The following MSI2 variants were observed in gnomAD, a reference collection of about 807,000 sequenced individuals.
The protein encoded by MSI2 is RNA-binding protein Musashi homolog 2.
MSI2 carries 17 observed loss-of-function variants against 45.6 expected under a neutral mutation model. The ratio of observed to expected loss-of-function variants is 0.37; its 90% CI spans 0.26 to 0.56. The LOEUF (loss-of-function observed/expected upper bound fraction) is 0.56, where lower values mean the gene tolerates loss of function less well. Among genes scored for constraint, MSI2 ranks in the 20% least tolerant of loss-of-function variants. MSI2 has a pLI of 0.77. For synonymous variants in MSI2, 156 were observed against 158.2 expected (o/e 0.99, Z 0.11); for missense variants, 293 against 444.2 (o/e 0.66, Z 3.06).
chr17:57,349,571 A>G (rs925345142), intron 5 of MSI2, among the ~76,000 whole-genome samples: 21 of 152,240 alleles, frequency 1.4e-4, no homozygotes, highest in African/African-American at 5.1e-4. Context: ...ATGAGGAAAA[A>G]TGAAATACTT....
At chr17:57,643,476 AC>A (rs1910408813) in intron 10 of MSI2, among the ~76,000 whole-genome samples, 1 of 152,186 alleles carries the variant, frequency 6.6e-6, no homozygotes. Flanking sequence ...GTGGGGTGGG[AC>A]AGGTGCTCCG....
intron 5 of MSI2, among the ~76,000 whole-genome samples, chr17:57,287,434 G>A (rs921069781): frequency 1.1e-4 from 16 of 152,176 alleles, no homozygotes; most frequent in African/African-American, 3.4e-4. Flanking sequence ...GTGTGTGTGA[G>A]GGGCTGTCTG....
chr17:57,587,660 C>T (rs1904426541), intron 7 of MSI2, among the ~76,000 whole-genome samples: 3 of 152,068 alleles, frequency 2.0e-5, no homozygotes, highest in South Asian at 4.2e-4. Flanking sequence ...AAAGAAGACC[C>T]GTGTCGACTC....
At chr17:57,393,821 A>G (rs1003856824) in intron 5 of MSI2, among the ~76,000 whole-genome samples, 1 of 152,180 alleles carries the variant, frequency 6.6e-6, no homozygotes, top group Non-Finnish European at 1.5e-5. Context: ...AGCTGGGATT[A>G]CAGACGTGCA....
chr17:57,566,925 G>T (rs775138806), intron 7 of MSI2, among the ~76,000 whole-genome samples: 16 of 152,186 alleles, frequency 1.1e-4, no homozygotes, highest in Non-Finnish European at 2.2e-4. Flanking sequence ...TTTAATAGAA[G>T]GGGCATGTTC....
chr17:57,450,322 A>AGAAAGAAAGAAAG (rs1567831014), intron 6 of MSI2: 2 of 148,316 alleles, frequency 1.3e-5, no homozygotes, highest in African/African-American at 4.9e-5. Context: ...AAAGAAAGAA[A>AGAAAGAAAGAAAG]ACCTTTGTTA....
intron 6 of MSI2, among the ~76,000 whole-genome samples, chr17:57,528,197 C>A (rs900182736): frequency 1.3e-5 from 2 of 152,052 alleles, no homozygotes; most frequent in African/African-American, 4.8e-5. Flanking sequence ...AGACCAGGTG[C>A]CCTCCCCCGG....
chr17:57,396,413 C>CACA (rs113923945), intron 5 of MSI2, among the ~76,000 whole-genome samples: 6 of 150,184 alleles, frequency 4.0e-5, no homozygotes, highest in South Asian at 4.2e-4. Flanking sequence ...AGCACACACA[C>CACA]CACACACACA....
chr17:57,271,717 A>G (rs1028324947), intron 5 of MSI2, among the ~76,000 whole-genome samples: 5 of 147,476 alleles, frequency 3.4e-5, no homozygotes. Flanking sequence ...TCTTTTGGCA[A>G]TTGCAAAATA....
upstream of MSI2, among the ~76,000 whole-genome samples, chr17:57,256,329 G>C (rs950138984): frequency 1.3e-5 from 2 of 151,448 alleles, no homozygotes; most frequent in Non-Finnish European, 3.0e-5. Flanking sequence ...GTCCGGCCGT[G>C]GGGGGCCGAG....
chr17:57,649,521 C>T (rs1025798487), intron 10 of MSI2, among the ~76,000 whole-genome samples: 4 of 152,058 alleles, frequency 2.6e-5, no homozygotes, highest in African/African-American at 7.2e-5. Flanking sequence ...CACACATACA[C>T]CTGACACACA....
rs571022756 is a variant in MSI2 at position 57,285,929 on chromosome 17, C to T, written c.312+23737C>T. 3,558 of 1,533,820 alleles carry T rather than the reference C, an allele frequency of 2.3e-3. 108 individuals carry two copies. The South Asian group carries it at 0.04, about 17-fold the overall frequency. On this transcript the variant is annotated intron_variant, in intron 5 of 13. Coordinates refer to ENST00000284073, the MANE Select transcript of MSI2 (RefSeq NM_138962.4). Reference sequence around the variant, plus strand: ...GAAAGTACTAAAGAATACGTCTTATCACGTGAATCAGTATCTTTTTATTCA... The same window carrying T: ...GAAAGTACTAAAGAATACGTCTTATTACGTGAATCAGTATCTTTTTATTCA...
intron 11 of MSI2, among the ~76,000 whole-genome samples, chr17:57,660,911 G>A (rs540960041): frequency 6.6e-6 from 1 of 152,322 alleles, no homozygotes; most frequent in Non-Finnish European, 1.5e-5. Flanking sequence ...ATTTACATGG[G>A]CAGGGCCTGT....
intron 10 of MSI2, chr17:57,632,842 C>T (rs1055759914): frequency 4.7e-6 from 5 of 1,064,586 alleles, no homozygotes; most frequent in Non-Finnish European, 5.7e-6. Flanking sequence ...ATTTGAATGT[C>T]ATTGTCCTTG....
intron 5 of MSI2, among the ~76,000 whole-genome samples, chr17:57,293,823 G>C (rs1598083186): frequency 3.3e-5 from 5 of 151,324 alleles, no homozygotes; most frequent in African/African-American, 1.2e-4. Context: ...GGTCAGGCTG[G>C]TCTCGAACTC....
chr17:57,311,224 A>T (rs1482249491), intron 5 of MSI2, among the ~76,000 whole-genome samples: 1 of 152,234 alleles, frequency 6.6e-6, no homozygotes, highest in East Asian at 1.9e-4. Context: ...TGTTGAGACC[A>T]GTCATGGATG....
intron 5 of MSI2, among the ~76,000 whole-genome samples, chr17:57,341,713 T>G (rs889609356): frequency 1.3e-5 from 2 of 152,246 alleles, no homozygotes; most frequent in Non-Finnish European, 2.9e-5. Flanking sequence ...TTTCTTTTCT[T>G]GCTTTATTTT....
chr17:57,580,107 T>A (rs1316994184), intron 7 of MSI2, among the ~76,000 whole-genome samples: 1 of 151,776 alleles, frequency 6.6e-6, no homozygotes, highest in Non-Finnish European at 1.5e-5. Context: ...AGCTGTCTCC[T>A]CTCTGTTCCC....
chr17:57,527,069 A>C (rs901857191), intron 6 of MSI2, among the ~76,000 whole-genome samples: 1 of 152,232 alleles, frequency 6.6e-6, no homozygotes, highest in African/African-American at 2.4e-5. Flanking sequence ...TTTTAAAAAA[A>C]ATCCAAAACA....
Sources: allele counts gnomAD v4.1 joint callset (sites outside exome capture counted in the v4.1 genomes callset), GRCh38; gene constraint gnomAD v4.1.1; transcripts MANE v1.5; gene names NCBI Gene and HGNC (gene_info 2026-07-23, HGNC 2026-07-21).